Variants in PCDH17 observed in about 807,000 individuals in gnomAD.
PCDH17 encodes protocadherin 17.
Under a neutral mutation model 67.7 loss-of-function variants are expected in PCDH17, and 21 were observed. That is an observed-to-expected ratio of 0.31 (90% confidence interval 0.22 to 0.45). PCDH17 has a LOEUF of 0.45. Among genes scored for constraint, PCDH17 ranks in the 20% least tolerant of loss-of-function variants. The pLI is 1.00. For missense variants in PCDH17, 1,471 were observed against 1,564.8 expected (o/e 0.94, Z 1.01); for synonymous variants, 701 against 656.7 (o/e 1.07, Z -1.03).
chr13:57,651,138 A>G (rs1955031948), intron 1 of PCDH17, among the ~76,000 whole-genome samples: 1 of 152,196 alleles, frequency 6.6e-6, no homozygotes, highest in Admixed American at 6.5e-5. Flanking sequence ...ACACAAACAC[A>G]CAACTATATA....
intron 1 of PCDH17, among the ~76,000 whole-genome samples, chr13:57,641,268 T>C (rs1233635055): frequency 6.6e-6 from 1 of 151,690 alleles, no homozygotes; most frequent in Admixed American, 6.6e-5. Flanking sequence ...GACAATGATA[T>C]ACTGCGATCT....
intron 3 of PCDH17, among the ~76,000 whole-genome samples, chr13:57,701,216 C>T (rs1300468085): frequency 6.6e-6 from 1 of 152,118 alleles, no homozygotes; most frequent in East Asian, 1.9e-4. Context: ...CTAGCATTAT[C>T]TTTCACAGTT....
intron 1 of PCDH17, among the ~76,000 whole-genome samples, chr13:57,658,300 G>A (rs967099015): frequency 3.3e-5 from 5 of 151,904 alleles, no homozygotes; most frequent in East Asian, 1.9e-4. Flanking sequence ...TAGATGTTTC[G>A]TTTGAATCTT....
chr13:57,642,475 A>G (rs1477748285), intron 1 of PCDH17, among the ~76,000 whole-genome samples: 1 of 151,722 alleles, frequency 6.6e-6, no homozygotes, highest in Non-Finnish European at 1.5e-5. Flanking sequence ...TTTTCATAGC[A>G]TCTATGCTTT....
rs766057274 is a variant in PCDH17, at chr13:57,724,670, G to A, written c.2856G>A (p.Arg952=). 2 of 1,613,948 alleles carry A rather than the reference G, an allele frequency of 1.2e-6. No homozygotes were observed. The highest frequency in any genetic ancestry group is 2.7e-5 in the African/African-American group (2 of 74,922). Residue 952 remains arginine (R), a synonymous_variant, in exon 4 of 4, where the codon AGG becomes AGA. Transcript: ENST00000377918. ...DECRVLGHSD[R]CWMPQFPAAN... Reference sequence around the variant, plus strand: ...GCCGAGTGCTTGGTCATTCTGACAGGTGCTGGATGCCACAGTTCCCTGCAG... The same window carrying A: ...GCCGAGTGCTTGGTCATTCTGACAGATGCTGGATGCCACAGTTCCCTGCAG...
intron 1 of PCDH17, among the ~76,000 whole-genome samples, chr13:57,647,904 C>G (rs928545594): frequency 7.2e-5 from 11 of 151,822 alleles, no homozygotes; most frequent in Non-Finnish European, 1.5e-4. Context: ...TCTTTCCATA[C>G]TTATGACTAT....
chr13:57,663,220 C>T (rs1368903005), intron 1 of PCDH17, among the ~76,000 whole-genome samples: 1 of 152,086 alleles, frequency 6.6e-6, no homozygotes, highest in Non-Finnish European at 1.5e-5. Context: ...ATAAAAGTCA[C>T]TGTGTTCAAG....
intron 1 of PCDH17, among the ~76,000 whole-genome samples, chr13:57,653,919 C>G (rs1301850345): frequency 6.6e-6 from 1 of 152,092 alleles, no homozygotes; most frequent in Non-Finnish European, 1.5e-5. Context: ...TGCAAATCAC[C>G]TAACACTGCA....
intron 3 of PCDH17, chr13:57,709,777 C>T (rs1335814694): frequency 6.6e-6 from 1 of 152,248 alleles, no homozygotes; most frequent in Non-Finnish European, 1.5e-5. Context: ...CATCTGCTAG[C>T]TTTCTTCTCT....
chr13:57,709,239 G>A (rs915565219), intron 3 of PCDH17, among the ~76,000 whole-genome samples: 48 of 151,760 alleles, frequency 3.2e-4, no homozygotes, highest in African/African-American at 1.1e-3. Flanking sequence ...CTAATATTAA[G>A]ATGCAGTACA....
Position 57,661,384 on chromosome 13 carries a change from C to G in PCDH17, c.2566-5084C>G, listed in dbSNP as rs1349602487. On this transcript the variant is annotated intron_variant, in intron 1 of 3. Transcript: ENST00000377918. Reference sequence around the variant, plus strand: ...GACAGTTCGTTATACAGTCTGCATGCAACATTATAGATGTTCTCTCAAGGG... The same window carrying G: ...GACAGTTCGTTATACAGTCTGCATGGAACATTATAGATGTTCTCTCAAGGG... Among the ~76,000 whole-genome samples the G allele has an allele frequency of 3.3e-5, 5 of 152,102 alleles. No homozygotes were observed. In the East Asian group the frequency reaches 7.7e-4, roughly 23 times the overall value.
intron 3 of PCDH17, among the ~76,000 whole-genome samples, chr13:57,686,303 G>A (rs576827176): frequency 4.0e-5 from 6 of 151,850 alleles, no homozygotes; most frequent in Non-Finnish European, 5.9e-5. Flanking sequence ...AATTACTAAC[G>A]TTAGCAGAAA....
At chr13:57,631,664 G>C (rs1394067998), upstream of PCDH17, 1 of 149,514 alleles carries the variant, frequency 6.7e-6, no homozygotes. Context: ...TGATTTCGGG[G>C]GAGAGCCTTT....
Position 57,634,621 on chromosome 13 carries a change from T to C in PCDH17, c.2075T>C (p.Val692Ala). 6 of 1,613,052 alleles carry C rather than the reference T, an allele frequency of 3.7e-6. No homozygotes were observed. The highest frequency in any genetic ancestry group is 5.1e-6 in the Non-Finnish European group (6 of 1,179,936). The change falls in exon 1 of 4, where the codon GTA becomes GCA. Residue 692 changes from valine (V) to alanine (A), a missense_variant. By Grantham distance (64) the Val-to-Ala change is moderately conservative. Around this residue, in one of 3 missense-constraint regions of PCDH17, gnomAD observed 1,163 missense variants for 1,230.0 expected, o/e 0.95. Transcript: ENST00000377918. The surrounding 1 kb of genome is among the most constrained non-coding windows in gnomAD (Gnocchi z 7.8). The part of the protein sequence containing the change: ...RSVSGSLPEG[V>A]PRVNGEQHHW... ...GTGAGCGGATCCCTTCCCGAGGGGGTACCACGGGTGAATGGCGAGCAGCAC... is the reference window on the plus strand; with the variant it reads ...GTGAGCGGATCCCTTCCCGAGGGGGCACCACGGGTGAATGGCGAGCAGCAC...
chr13:57,689,774 T>A (rs542755212), intron 3 of PCDH17, among the ~76,000 whole-genome samples: 1 of 152,090 alleles, frequency 6.6e-6, no homozygotes, highest in South Asian at 2.1e-4. Context: ...TTAGTCATGT[T>A]CAACTCCGTA....
At chr13:57,645,092 T>G (rs907842145) in intron 1 of PCDH17, among the ~76,000 whole-genome samples, 1 of 151,728 alleles carries the variant, frequency 6.6e-6, no homozygotes, top group Non-Finnish European at 1.5e-5. Flanking sequence ...TTTCTTTTTG[T>G]AGTTGTTGTG....
At chr13:57,651,356 G>GT (rs67207232) in intron 1 of PCDH17, among the ~76,000 whole-genome samples, 1,142 of 83,566 alleles carry the variant, frequency 0.014, 1 homozygote, top group Middle Eastern at 0.025. Flanking sequence ...TTTAATTGAG[G>GT]TTTTTTTTTT....
At chr13:57,705,023 T>G (rs1255941570) in intron 3 of PCDH17, among the ~76,000 whole-genome samples, 1 of 152,068 alleles carries the variant, frequency 6.6e-6, no homozygotes, top group Non-Finnish European at 1.5e-5. Context: ...TCTCAATTTC[T>G]TTTTAAAGCT....
At chr13:57,631,051 A>T (rs1191781825), upstream of PCDH17, among the ~76,000 whole-genome samples, 1 of 152,016 alleles carries the variant, frequency 6.6e-6, no homozygotes, top group Non-Finnish European at 1.5e-5. Flanking sequence ...CGCCCAGAAA[A>T]ACTGAAAGAG....
Sources: allele counts gnomAD v4.1 joint callset (sites outside exome capture counted in the v4.1 genomes callset), GRCh38; gene constraint gnomAD v4.1.1; regional missense constraint gnomAD v4.1.1; non-coding constraint Gnocchi (gnomAD v3.1); transcripts MANE v1.5; gene names NCBI Gene and HGNC (gene_info 2026-07-23, HGNC 2026-07-21).